Variants in PTDSS1 observed in about 807,000 individuals in gnomAD.
PTDSS1 encodes phosphatidylserine synthase 1.
In PTDSS1, 45 loss-of-function variants were observed where a neutral mutation model predicts 70.5. The ratio of observed to expected loss-of-function variants is 0.64; its 90% CI spans 0.50 to 0.82. The LOEUF (loss-of-function observed/expected upper bound fraction) is 0.82, where lower values mean the gene tolerates loss of function less well. Ranked by LOEUF, PTDSS1 falls within the 40% of genes least tolerant of loss-of-function variation. The pLI, the probability that PTDSS1 is intolerant of heterozygous loss-of-function variation, is 0.00. For missense variants in PTDSS1, 417 were observed against 586.1 expected (o/e 0.71, Z 2.98); for synonymous variants, 188 against 203.8 (o/e 0.92, Z 0.66).
chr8:96,331,105 TC>T lies in PTDSS1; in HGVS notation c.1312+11del. 2.0e-6 allele frequency: 3 copies of T among 1,511,270 alleles called. No homozygotes were observed. Among genetic ancestry groups the T allele is most frequent in the South Asian group, 1.1e-5 (1 of 88,116 alleles). The allele number at this position is 1,511,270 out of a possible 1,614,324, so 93.6% of individuals were successfully genotyped here. On this transcript the variant is annotated intron_variant, in intron 12 of 12. Transcript: ENST00000517309. ...AGGAAAGGGACAAAAGGTATCTTGT[TC>T]TTGTTCGTTGTTTAAAATTTTACTG... is the stretch of plus-strand genomic sequence containing the variant.
chr8:96,267,914 G>A (rs1006473116), intron 1 of PTDSS1, among the ~76,000 whole-genome samples: 2 of 152,104 alleles, frequency 1.3e-5, no homozygotes, highest in Non-Finnish European at 2.9e-5. Flanking sequence ...ACCACCCTTG[G>A]CATCCTTCAC....
chr8:96,314,421 G>A (rs189846901), intron 9 of PTDSS1, among the ~76,000 whole-genome samples: 821 of 70,878 alleles, frequency 0.012, 4 homozygotes, highest in Non-Finnish European at 0.017. Context: ...AAACACAGGG[G>A]AACAGATGTT....
intron 4 of PTDSS1, among the ~76,000 whole-genome samples, chr8:96,290,084 G>A (rs1357941748): frequency 1.3e-5 from 2 of 152,110 alleles, no homozygotes; most frequent in Non-Finnish European, 2.9e-5. Flanking sequence ...TTTTACAGGG[G>A]AGGAGATGGA....
chr8:96,262,116 G>T lies in PTDSS1; in HGVS notation c.76G>T (p.Glu26Ter). Residue 26 changes from glutamate to a stop codon, truncating the protein, a stop_gained, in exon 1 of 13, where the codon GAG (glutamate) becomes TAG (stop). Coordinates refer to ENST00000517309, the MANE Select transcript of PTDSS1 (RefSeq NM_014754.3). LOFTEE classifies it high-confidence loss of function. The surrounding 1 kb of genome is among the most constrained non-coding windows in gnomAD (Gnocchi z 4.4). ...NYKMHFRMIN[E>*]QQVEDITIDF... Reference sequence around the variant, plus strand: ...CAAAATGCATTTCCGGATGATCAACGAGCAGCAAGTGGAGGACATCACCAT... The same window carrying T: ...CAAAATGCATTTCCGGATGATCAACTAGCAGCAAGTGGAGGACATCACCAT... 1 of 1,613,926 alleles carries T rather than the reference G, an allele frequency of 6.2e-7. No individual in the cohort carries two copies.
intron 8 of PTDSS1, among the ~76,000 whole-genome samples, chr8:96,307,501 A>C (rs1466206798): frequency 1.3e-5 from 2 of 151,140 alleles, no homozygotes; most frequent in Non-Finnish European, 2.9e-5. Context: ...TGGATTCAAC[A>C]AATCAAGTAA....
At chr8:96,296,749 A>G (rs1000301337) in intron 5 of PTDSS1, among the ~76,000 whole-genome samples, 1 of 152,212 alleles carries the variant, frequency 6.6e-6, no homozygotes, top group Non-Finnish European at 1.5e-5. Flanking sequence ...TCTGGAGTGC[A>G]CAGCCTTGCT....
chr8:96,283,295 T>C (rs1204141136), intron 2 of PTDSS1, among the ~76,000 whole-genome samples: 1 of 152,204 alleles, frequency 6.6e-6, no homozygotes, highest in Non-Finnish European at 1.5e-5. Flanking sequence ...AGGAAGGCTG[T>C]TCAAAAGGCG....
At chr8:96,282,540 A>G (rs981940813) in intron 2 of PTDSS1, among the ~76,000 whole-genome samples, 6 of 152,194 alleles carry the variant, frequency 3.9e-5, no homozygotes, top group Non-Finnish European at 5.9e-5. Context: ...AACCAAACGC[A>G]AATGCATTTG....
In PTDSS1 at chr8:96,335,479, T is replaced by C. The variant is rs908515483; in HGVS notation, c.*1913T>C. 5.9e-5 allele frequency: 9 copies of C among 152,366 alleles called. No individual in the cohort carries two copies. In the East Asian group the frequency reaches 1.7e-3, roughly 29 times the overall value. The allele number at this position is 152,366 out of a possible 1,614,324, so 9.4% of individuals were successfully genotyped here. ...TTTCACACTCTTCTGACTTTCGCCT[T>C]GTTGCAACTGATGGAGCATGTGTGC... On this transcript the variant is annotated 3_prime_UTR_variant, in exon 13 of 13. Coordinates refer to ENST00000517309, the MANE Select transcript of PTDSS1 (RefSeq NM_014754.3).
intron 10 of PTDSS1, among the ~76,000 whole-genome samples, chr8:96,326,846 G>C (rs1003141204): frequency 6.6e-6 from 1 of 152,206 alleles, no homozygotes; most frequent in Non-Finnish European, 1.5e-5. Context: ...AGTAACTGAA[G>C]CTGAACCAAG....
At chr8:96,330,144 C>A in intron 10 of PTDSS1, 69 bp from the exon 11 acceptor site, 1 of 1,420,462 alleles carries the variant, frequency 7.0e-7, no homozygotes, top group South Asian at 1.2e-5. Context: ...TGCATTGATT[C>A]CCACTGAAAC....
intron 10 of PTDSS1, among the ~76,000 whole-genome samples, chr8:96,325,704 A>G (rs1303530977): frequency 6.6e-6 from 1 of 151,982 alleles, no homozygotes; most frequent in Non-Finnish European, 1.5e-5. Flanking sequence ...AAAATTCAGA[A>G]CTCAATCTCT....
intron 3 of PTDSS1, among the ~76,000 whole-genome samples, chr8:96,284,667 T>A (rs1268194847): frequency 6.6e-6 from 1 of 152,252 alleles, no homozygotes; most frequent in African/African-American, 2.4e-5. Context: ...TATTTTTACT[T>A]AATTTTGTAG....
intron 9 of PTDSS1, among the ~76,000 whole-genome samples, chr8:96,317,994 A>G (rs1811320625): frequency 6.6e-6 from 1 of 151,084 alleles, no homozygotes; most frequent in South Asian, 2.1e-4. Flanking sequence ...TTAGATCACA[A>G]AAGTTTGAGA....
intron 4 of PTDSS1, among the ~76,000 whole-genome samples, chr8:96,291,249 A>G (rs1344177200): frequency 6.6e-6 from 1 of 152,154 alleles, no homozygotes; most frequent in Non-Finnish European, 1.5e-5. Flanking sequence ...TTGAACCCTA[A>G]GACAATTTCA....
intron 5 of PTDSS1, among the ~76,000 whole-genome samples, chr8:96,298,897 G>A (rs533118294): frequency 6.6e-5 from 10 of 151,850 alleles, no homozygotes; most frequent in Non-Finnish European, 1.2e-4. Context: ...AAAATTAGCC[G>A]GGCATGGTGG....
intron 10 of PTDSS1, among the ~76,000 whole-genome samples, chr8:96,326,306 C>T (rs1231812937): frequency 1.3e-5 from 2 of 152,214 alleles, no homozygotes; most frequent in Non-Finnish European, 2.9e-5. Flanking sequence ...ATAGCTCCCT[C>T]CTTGGGACCA....
intron 10 of PTDSS1, among the ~76,000 whole-genome samples, chr8:96,328,334 C>T (rs971690844): frequency 1.3e-5 from 2 of 152,196 alleles, no homozygotes; most frequent in African/African-American, 4.8e-5. Context: ...GGCTTACACT[C>T]TGCAAATCAT....
chr8:96,322,866 G>C (rs1234633307), intron 10 of PTDSS1, among the ~76,000 whole-genome samples: 2 of 152,186 alleles, frequency 1.3e-5, no homozygotes, highest in African/African-American at 4.8e-5. Context: ...ACCTTCCAGA[G>C]TGGTAGCTCA....
Sources: gnomAD v4.1 joint callset for allele counts (sites outside exome capture counted in the v4.1 genomes callset) on GRCh38, gnomAD v4.1.1 for gene constraint, Gnocchi (gnomAD v3.1) non-coding constraint, MANE v1.5 for transcripts, NCBI Gene and HGNC (gene_info 2026-07-23, HGNC 2026-07-21) for gene names.